The following ALK variants were observed in gnomAD, a reference collection of about 807,000 sequenced individuals.
ALK encodes ALK receptor tyrosine kinase.
In ALK, 74 loss-of-function variants were observed where a neutral mutation model predicts 163.1. The observed-to-expected ratio is 0.45, with a 90% CI of 0.38 to 0.55. The LOEUF is 0.55. ALK is among the 20% of genes least tolerant of loss of function. The probability of loss-of-function intolerance (pLI) is 0.00; values close to 1 mark genes in which losing one functional copy is unlikely to be tolerated. For missense variants in ALK, 2,063 were observed against 2,105.3 expected, an observed-to-expected ratio of 0.98 and a Z score of 0.39; for synonymous variants, 960 against 843.2, an observed-to-expected ratio of 1.14 and a Z score of -2.40.
At chr2:29,303,671 G>T (rs1666429116) in intron 8 of ALK, among the ~76,000 whole-genome samples, 2 of 152,100 alleles carry the variant, frequency 1.3e-5, no homozygotes, top group African/African-American at 4.8e-5. Context: ...AGAAAATGTG[G>T]TACATATATA....
At chr2:29,604,013 C>T (rs1023465297) in intron 3 of ALK, among the ~76,000 whole-genome samples, 25 of 152,066 alleles carry the variant, frequency 1.6e-4, no homozygotes, top group Non-Finnish European at 3.7e-4. Context: ...TCCACTTCTC[C>T]CATAAGTAAG....
chr2:29,239,407 G>C (rs540919266), intron 13 of ALK, among the ~76,000 whole-genome samples: 1 of 152,162 alleles, frequency 6.6e-6, no homozygotes, highest in Non-Finnish European at 1.5e-5. Context: ...TGAGGGAGGG[G>C]GGGAGCCTGG....
rs187497424 is a variant in ALK at position 29,833,582 on chromosome 2, C to T, written c.667+86411G>A. ...AATAATCACTGCCTTTTATGGAGCA[C>T]TTACCAGGTGCCAGGCACTGGGCAC... On this transcript the variant is annotated intron_variant, in intron 1 of 28. Coordinates refer to ENST00000389048, the MANE Select transcript of ALK (RefSeq NM_004304.5). Among the ~76,000 whole-genome samples, 78 of 152,342 alleles carry T rather than the reference C, an allele frequency of 5.1e-4. 1 individual carries two copies. The highest frequency in any genetic ancestry group is 1.8e-3 in the African/African-American group (73 of 41,582).
At chr2:29,583,779 A>G (rs1001299845) in intron 3 of ALK, among the ~76,000 whole-genome samples, 1 of 152,238 alleles carries the variant, frequency 6.6e-6, no homozygotes, top group Non-Finnish European at 1.5e-5. Flanking sequence ...TTAACAGGGT[A>G]AGTAGCCGGC....
At chr2:29,311,813 G>A (rs1420508714) in intron 8 of ALK, among the ~76,000 whole-genome samples, 1 of 152,146 alleles carries the variant, frequency 6.6e-6, no homozygotes, top group Non-Finnish European at 1.5e-5. Context: ...GGCGATGTGG[G>A]GGAAGGCCCC....
intron 3 of ALK, among the ~76,000 whole-genome samples, chr2:29,601,856 C>T (rs1043075582): frequency 6.6e-6 from 1 of 152,042 alleles, no homozygotes; most frequent in African/African-American, 2.4e-5. Flanking sequence ...AGCTCATTGG[C>T]CTATCTGGAT....
At chr2:29,825,674 A>C (rs1480865990) in intron 1 of ALK, among the ~76,000 whole-genome samples, 4 of 151,866 alleles carry the variant, frequency 2.6e-5, no homozygotes, top group Non-Finnish European at 5.9e-5. Flanking sequence ...CATGATTGTG[A>C]TAGAATTAAG....
rs571384690 is a variant in ALK, at chr2:29,423,191, AT to A, written c.1155-39333del. Among the ~76,000 whole-genome samples, 563 of 152,316 alleles carry A rather than the reference AT, an allele frequency of 3.7e-3. 4 individuals carry two copies. Among genetic ancestry groups the A allele is most frequent in the African/African-American group, 0.013 (539 of 41,568 alleles). ...AGTTCTTTCATATCTTCCATATGTCATTTCATTTAATTCTAAAAGAAAAATG... is the reference window on the plus strand; with the variant it reads ...AGTTCTTTCATATCTTCCATATGTCATTCATTTAATTCTAAAAGAAAAATG... On this transcript the variant is annotated intron_variant, in intron 4 of 28. Transcript: ENST00000389048.
At chr2:29,349,267 C>T (rs993316179) in intron 5 of ALK, among the ~76,000 whole-genome samples, 1 of 152,164 alleles carries the variant, frequency 6.6e-6, no homozygotes, top group Non-Finnish European at 1.5e-5. Flanking sequence ...GTGTTGCAGC[C>T]TGCCACTTTG....
At chr2:29,707,024 TGTGTGTTGG>T in intron 2 of ALK, among the ~76,000 whole-genome samples, 1 of 146,086 alleles carries the variant, frequency 6.8e-6, no homozygotes, top group East Asian at 2.0e-4. Flanking sequence ...TGTGTGTGTG[TGTGTGTTGG>T]GTAAGGAAGT....
intron 1 of ALK, among the ~76,000 whole-genome samples, chr2:29,830,622 GACTC>G (rs1366806991): frequency 1.4e-5 from 2 of 145,336 alleles, no homozygotes; most frequent in African/African-American, 2.5e-5. Context: ...TAATCCCAGT[GACTC>G]AGGAGACTGA....
chr2:29,627,449 G>A (rs1245700973), intron 3 of ALK, among the ~76,000 whole-genome samples: 2 of 151,872 alleles, frequency 1.3e-5, no homozygotes, highest in South Asian at 2.1e-4. Flanking sequence ...CCCTAATTTC[G>A]CATATGAAGA....
At chr2:29,543,557 C>T (rs1274763921) in intron 3 of ALK, among the ~76,000 whole-genome samples, 2 of 152,218 alleles carry the variant, frequency 1.3e-5, no homozygotes. Context: ...TATGGTTAAG[C>T]ATCCTGCTAC....
rs189325665 is a variant in ALK at position 29,834,981 on chromosome 2, C to T, written c.667+85012G>A. On this transcript the variant is annotated intron_variant, in intron 1 of 28. Coordinates refer to ENST00000389048, the MANE Select transcript of ALK (RefSeq NM_004304.5). The stretch of plus-strand genomic sequence containing the variant: ...TCAGAGCTCATGGTAAAGAAAACTG[C>T]CCCATTAGACAAGCTCGCAGAGCCT... Among the ~76,000 whole-genome samples the T allele has an allele frequency of 9.5e-4, 144 of 152,302 alleles. 1 individual carries two copies. Among genetic ancestry groups the T allele is most frequent in the Admixed American group, 4.3e-3 (66 of 15,290 alleles).
intron 1 of ALK, among the ~76,000 whole-genome samples, chr2:29,741,745 C>G (rs867754683): frequency 2.6e-5 from 4 of 152,100 alleles, no homozygotes; most frequent in Non-Finnish European, 5.9e-5. Context: ...GCCTCTTTGG[C>G]CTCTATCCCC....
intron 3 of ALK, among the ~76,000 whole-genome samples, chr2:29,655,989 A>G (rs1239734563): frequency 6.6e-6 from 1 of 152,112 alleles, no homozygotes; most frequent in East Asian, 1.9e-4. Context: ...ATCTTTCTCT[A>G]AGAAGGTATC....
At chr2:29,601,282 A>C (rs931528932) in intron 3 of ALK, among the ~76,000 whole-genome samples, 3 of 152,230 alleles carry the variant, frequency 2.0e-5, no homozygotes, top group African/African-American at 4.8e-5. Flanking sequence ...ACTTATCAAG[A>C]CATTGGGCAC....
chr2:29,290,203 C>T (rs1665984316), intron 9 of ALK, among the ~76,000 whole-genome samples: 1 of 152,144 alleles, frequency 6.6e-6, no homozygotes, highest in African/African-American at 2.4e-5. Flanking sequence ...TTCTTAAACC[C>T]CTCTGGGCCT....
In ALK at chr2:29,318,323, A is replaced by G. The variant is rs1666893671; in HGVS notation, c.1628T>C (p.Ile543Thr). 1 of 1,613,712 alleles carries G rather than the reference A, an allele frequency of 6.2e-7. No homozygotes were observed. Among genetic ancestry groups the G allele is most frequent in the Admixed American group, 1.7e-5 (1 of 60,016 alleles). The change falls in exon 8 of 29, where the codon ATC becomes ACC. Residue 543 changes from isoleucine (I) to threonine (T), a missense_variant. Ile to Thr is a moderately conservative substitution (Grantham distance 89). Coordinates refer to ENST00000389048, the MANE Select transcript of ALK (RefSeq NM_004304.5). Reference protein sequence around the residue: ...TVTSATFPAPIKSSPCELRMS... With the variant: ...TVTSATFPAPTKSSPCELRMS... ...ACTTGCCTCACATGGAGAGCTCTTG[A>G]TCGGTGCAGGAAACGTAGCACTGGT...
Sources: allele counts gnomAD v4.1 joint callset (sites outside exome capture counted in the v4.1 genomes callset), GRCh38; gene constraint gnomAD v4.1.1; transcripts MANE v1.5; gene names NCBI Gene and HGNC (gene_info 2026-07-23, HGNC 2026-07-21).